The following NRIP1 variants were observed in gnomAD, a reference collection of about 807,000 sequenced individuals.
NRIP1 encodes nuclear receptor interacting protein 1, also known as nuclear receptor-interacting protein 1.
Under a neutral mutation model 75.0 loss-of-function variants are expected in NRIP1, and 28 were observed. The observed-to-expected ratio is 0.37, with a 90% CI of 0.28 to 0.51. NRIP1 has a LOEUF of 0.51. Ranked by LOEUF, NRIP1 falls within the 20% of genes least tolerant of loss-of-function variation. The pLI is 0.92. For synonymous variants in NRIP1, 526 were observed against 487.6 expected, an observed-to-expected ratio of 1.08 and a Z score of -1.04; for missense variants, 1,435 against 1,343.7, an observed-to-expected ratio of 1.07 and a Z score of -1.06.
rs1209646609 is a variant in NRIP1 at position 14,967,241 on chromosome 21, G to T, written c.952C>A (p.Pro318Thr). The T allele has an allele frequency of 6.2e-7, 1 of 1,613,916 alleles. No individual in the cohort carries two copies. Among genetic ancestry groups the T allele is most frequent in the Admixed American group, 1.7e-5 (1 of 59,948 alleles). Residue 318 changes from proline (P) to threonine (T), a missense_variant, in exon 4 of 4, where the codon CCA becomes ACA. By Grantham distance (38) the Pro-to-Thr change is conservative (BLOSUM62 -1). Transcript: ENST00000318948. Reference protein sequence around the residue: ...GQKDVGSYQLPKGMSSHLNGQ... With the variant: ...GQKDVGSYQLTKGMSSHLNGQ... ...TTAAGATGGCTTGACATTCCTTTTG[G>T]GAGCTGGTAACTGCCAACATCCTTC... is the stretch of plus-strand genomic sequence containing the variant.
rs2088421317 is a variant in NRIP1 at position 15,023,167 on chromosome 21, A to G, written c.-457-8701T>C. Among the ~76,000 whole-genome samples, 4 of 152,222 alleles carry G rather than the reference A, an allele frequency of 2.6e-5. 1 individual carries two copies. The highest frequency in any genetic ancestry group is 2.6e-4 in the Admixed American group (4 of 15,280). The stretch of plus-strand genomic sequence containing the variant: ...TGGTGTTGGTTACACACCTATGTGA[A>G]CATAAAAACTACGGAACTGAACACT... On this transcript the variant is annotated intron_variant, in intron 2 of 3. Transcript: ENST00000318948.
rs371474193 is a variant in NRIP1, at chr21:14,967,443, C to G, written c.750G>C (p.Arg250Ser). ...GTTTAGGTGAGGTGGCAGGACTAGCCCTTTTTTCCACCATGCTTGCAACAG... is the reference window on the plus strand; with the variant it reads ...GTTTAGGTGAGGTGGCAGGACTAGCGCTTTTTTCCACCATGCTTGCAACAG... ...LQAVASMVEKRASPATSPKPS... is the reference protein window; with the variant it reads ...LQAVASMVEKSASPATSPKPS... Residue 250 changes from arginine to serine, a missense_variant, in exon 4 of 4, where the codon AGG (arginine) becomes AGC (serine). By Grantham distance (110) the Arg-to-Ser change is moderately radical (BLOSUM62 -1). Transcript: ENST00000318948. 6.2e-7 allele frequency: 1 copy of G among 1,614,016 alleles called. No individual in the cohort carries two copies. The highest frequency in any genetic ancestry group is 8.5e-7 in the Non-Finnish European group (1 of 1,179,986).
In NRIP1 at chr21:14,964,804, C is replaced by T; in HGVS notation, c.3389G>A (p.Gly1130Glu). The change falls in exon 4 of 4, where the codon GGA becomes GAA. Residue 1130 changes from glycine (G) to glutamate (E), a missense_variant. Coordinates refer to ENST00000318948, the MANE Select transcript of NRIP1 (RefSeq NM_003489.4). ...NLRSPYNSHM[G>E]NNASRPHSAN... ...GCTGTGTGGGCGAGAAGCATTATTT[C>T]CCATATGGCTATTGTAAGGGCTTCT... 4 of 1,611,668 alleles carry T rather than the reference C, an allele frequency of 2.5e-6. No homozygotes were observed. Among genetic ancestry groups the T allele is most frequent in the Non-Finnish European group, 3.4e-6 (4 of 1,179,240 alleles).
intron 1 of NRIP1, among the ~76,000 whole-genome samples, chr21:15,062,084 TTTAA>T (rs768428548): frequency 8.5e-5 from 13 of 152,234 alleles, no homozygotes; most frequent in Non-Finnish European, 5.9e-5. Flanking sequence ...TCAACTGGTA[TTTAA>T]TTAAAGATCT....
At chr21:15,060,504 T>G (rs2089402358) in intron 1 of NRIP1, among the ~76,000 whole-genome samples, 1 of 152,144 alleles carries the variant, frequency 6.6e-6, no homozygotes, top group African/African-American at 2.4e-5. Flanking sequence ...CACCCAAACT[T>G]TAGCACTCAG....
At chr21:14,993,334 C>T (rs1413423229) in intron 3 of NRIP1, among the ~76,000 whole-genome samples, 1 of 152,044 alleles carries the variant, frequency 6.6e-6, no homozygotes. Context: ...CCACTCCAAT[C>T]CACAAATTGT....
chr21:14,971,560 A>G (rs2086903253), intron 3 of NRIP1: 1 of 152,214 alleles, frequency 6.6e-6, no homozygotes, highest in Admixed American at 6.5e-5. Flanking sequence ...CATCTAGAGA[A>G]ACAGGCAAGG....
chr21:14,992,590 G>A (rs1297995334), intron 3 of NRIP1: 8 of 151,902 alleles, frequency 5.3e-5, no homozygotes, highest in Admixed American at 5.3e-4. Context: ...TAGCAAAACT[G>A]ATTTACCAAG....
chr21:15,019,557 T>C lies in NRIP1; in HGVS notation c.-457-5091A>G, dbSNP rs535799870. On this transcript the variant is annotated intron_variant, in intron 2 of 3. Coordinates refer to ENST00000318948, the MANE Select transcript of NRIP1 (RefSeq NM_003489.4). The stretch of plus-strand genomic sequence containing the variant: ...AAGCTGGAGTGCAATGATGCAGTCT[T>C]GGCTCACTGCAACCTCTGCCTCCCA... Among the ~76,000 whole-genome samples the C allele has an allele frequency of 2.2e-4, 30 of 136,822 alleles. 1 individual carries two copies. In the South Asian group the frequency reaches 7.9e-3, roughly 36 times the overall value. 89.8% of individuals were successfully genotyped at this position (136,822 alleles called of 152,430 possible). A position where few individuals can be genotyped will look rare whatever the true frequency, so the allele number is the denominator to read the frequency against.
intron 1 of NRIP1, among the ~76,000 whole-genome samples, chr21:15,044,483 A>T (rs2089027617): frequency 6.6e-6 from 1 of 151,920 alleles, no homozygotes; most frequent in Non-Finnish European, 1.5e-5. Flanking sequence ...TGGACAGTGA[A>T]GCTAGCGGTG....
At position 14,964,735 on chromosome 21, in the gene NRIP1, A is replaced by G. The variant is rs773008557; in HGVS notation, c.3458T>C (p.Ile1153Thr). The part of the protein sequence containing the change: ...VYGLLGSVLT[I>T]KKESE ...TACATTTTATTCTGATTCTTTCTTT[A>G]TCGTTAGCACGCTTCCCAGAAGTCC... is the stretch of plus-strand genomic sequence containing the variant. The change falls in exon 4 of 4, where the codon ATA becomes ACA. Residue 1153 changes from isoleucine to threonine, a missense_variant. Ile to Thr is a moderately conservative substitution (Grantham distance 89). Transcript: ENST00000318948. The G allele has an allele frequency of 6.5e-7, 1 of 1,548,692 alleles. No homozygotes were observed. The highest frequency in any genetic ancestry group is 1.3e-5 in the South Asian group (1 of 78,930).
intron 3 of NRIP1, among the ~76,000 whole-genome samples, chr21:14,996,024 G>A (rs561930733): frequency 6.6e-6 from 1 of 152,090 alleles, no homozygotes; most frequent in East Asian, 1.9e-4. Flanking sequence ...TTACGCTCCA[G>A]CCAGGCGATG....
At chr21:15,014,828 A>T (rs1022228322) in intron 2 of NRIP1, among the ~76,000 whole-genome samples, 3 of 61,754 alleles carry the variant, frequency 4.9e-5, no homozygotes, top group African/African-American at 1.7e-4. Flanking sequence ...TGTATTTCTT[A>T]AAAAAAAAAA....
intron 3 of NRIP1, among the ~76,000 whole-genome samples, chr21:15,013,316 T>C (rs1484782908): frequency 6.6e-6 from 1 of 152,226 alleles, no homozygotes; most frequent in East Asian, 1.9e-4. Flanking sequence ...AATAACTTCA[T>C]TACTAGGTTT....
intron 3 of NRIP1, among the ~76,000 whole-genome samples, chr21:15,005,742 C>A (rs2087954627): frequency 6.6e-6 from 1 of 152,134 alleles, no homozygotes; most frequent in South Asian, 2.1e-4. Context: ...CAGAATAGAA[C>A]AAACCACCAG....
At chr21:15,056,153 A>T (rs1344162558) in intron 1 of NRIP1, among the ~76,000 whole-genome samples, 2 of 152,152 alleles carry the variant, frequency 1.3e-5, no homozygotes, top group African/African-American at 4.8e-5. Flanking sequence ...TGGGGGGAGG[A>T]CAAGGTGCCT....
intron 2 of NRIP1, among the ~76,000 whole-genome samples, chr21:15,036,093 T>C (rs1470371566): frequency 6.6e-6 from 1 of 152,186 alleles, no homozygotes; most frequent in African/African-American, 2.4e-5. Flanking sequence ...TCTATGACAA[T>C]AAACAGGCTG....
chr21:15,051,667 TACTCTATAACTG>T (rs2089204265), intron 1 of NRIP1: 1 of 152,228 alleles, frequency 6.6e-6, no homozygotes, highest in Non-Finnish European at 1.5e-5. Flanking sequence ...GAAAGTATAA[TACTCTATAACTG>T]ACATTTACTG....
rs1568930844 is a variant in NRIP1 at position 14,962,519 on chromosome 21, C to G, written c.*2197G>C. 6.6e-6 allele frequency: 1 copy of G among 152,380 alleles called. No homozygotes were observed. The highest frequency in any genetic ancestry group is 1.5e-5 in the Non-Finnish European group (1 of 67,932). The allele number at this position is 152,380 out of a possible 1,614,324, so 9.4% of individuals were successfully genotyped here. On this transcript the variant is annotated 3_prime_UTR_variant, in exon 4 of 4. Transcript: ENST00000318948. ...CTTGTAAAAAGGTCATTTCCCCCTA[C>G]CCAAGGGAGAATACCAACATATTTT...
Sources: allele counts gnomAD v4.1 joint callset (sites outside exome capture counted in the v4.1 genomes callset), GRCh38; gene constraint gnomAD v4.1.1; transcripts MANE v1.5; gene names NCBI Gene and HGNC (gene_info 2026-07-23, HGNC 2026-07-21).